Variants in NCKAP5 observed in about 807,000 individuals in gnomAD.
NCKAP5 encodes nck-associated protein 5.
In NCKAP5, 92 loss-of-function variants were observed where a neutral mutation model predicts 167.0. The observed-to-expected ratio is 0.55, with a 90% CI of 0.47 to 0.66. The LOEUF (loss-of-function observed/expected upper bound fraction) is 0.66. NCKAP5 is among the 30% of genes least tolerant of loss of function. NCKAP5 has a pLI of 0.00. For synonymous variants in NCKAP5, 891 were observed against 877.4 expected, an observed-to-expected ratio of 1.02 and a Z score of -0.27; for missense variants, 2,378 against 2,315.0, an observed-to-expected ratio of 1.03 and a Z score of -0.56.
Position 132,728,917 on chromosome 2 carries a change from G to T in NCKAP5, c.5479C>A (p.Pro1827Thr). 1 of 1,613,940 alleles carries T rather than the reference G, an allele frequency of 6.2e-7. No homozygotes were observed. The highest frequency in any genetic ancestry group is 1.1e-5 in the South Asian group (1 of 91,076). ...VSSQKQNEAE[P>T]RPQTCSSFGY... ...AATGATGAGCATGTCTGAGGCCTTG[G>T]CTCTGCTTCATTCTGCTTTTGGGAA... The change falls in exon 18 of 20, where the codon CCA becomes ACA. Residue 1827 changes from proline to threonine, a missense_variant. Physicochemically the swap from Pro to Thr is conservative, Grantham distance 38. This residue lies in a region of NCKAP5 where 1,325 missense variants were observed against 1,274.5 expected (regional missense o/e 1.04). Transcript: ENST00000409261.
At chr2:132,736,782 T>TCAAAA (rs1443223019) in intron 16 of NCKAP5, among the ~76,000 whole-genome samples, 1 of 152,050 alleles carries the variant, frequency 6.6e-6, no homozygotes, top group Non-Finnish European at 1.5e-5. Flanking sequence ...AGACTCCGTC[T>TCAAAA]CAAAACAAAA....
chr2:133,030,203 C>T (rs905521750), intron 6 of NCKAP5, among the ~76,000 whole-genome samples: 6 of 152,140 alleles, frequency 3.9e-5, no homozygotes, highest in Non-Finnish European at 7.4e-5. Flanking sequence ...AGAAAATTAA[C>T]TGTGAGATGG....
chr2:133,321,063 A>C (rs1035560304), intron 3 of NCKAP5, among the ~76,000 whole-genome samples: 1 of 152,316 alleles, frequency 6.6e-6, no homozygotes, highest in South Asian at 2.1e-4. Context: ...CCACTAAAGA[A>C]GTGGAGGCTC....
At chr2:132,915,814 G>C (rs765936891) in intron 8 of NCKAP5, among the ~76,000 whole-genome samples, 1 of 151,996 alleles carries the variant, frequency 6.6e-6, no homozygotes, top group African/African-American at 2.4e-5. Context: ...ATGGAAAAGA[G>C]CCAGCCACAC....
chr2:132,960,873 T>C (rs2076490796), intron 8 of NCKAP5, among the ~76,000 whole-genome samples: 1 of 152,182 alleles, frequency 6.6e-6, no homozygotes, highest in Non-Finnish European at 1.5e-5. Context: ...AAATCATTCC[T>C]TTCTGTGATC....
At chr2:133,535,649 G>A (rs542976514) in intron 2 of NCKAP5, among the ~76,000 whole-genome samples, 26 of 152,164 alleles carry the variant, frequency 1.7e-4, no homozygotes, top group Admixed American at 1.4e-3. Flanking sequence ...CCTTTGAGCA[G>A]ATACCCAGTA....
chr2:133,071,432 G>A (rs1010260003), intron 6 of NCKAP5, among the ~76,000 whole-genome samples: 3 of 152,124 alleles, frequency 2.0e-5, no homozygotes, highest in Admixed American at 6.6e-5. Flanking sequence ...GCGACAGAGC[G>A]AGACTCCGTC....
the NCKAP5 span, among the ~76,000 whole-genome samples, chr2:133,643,286 A>T: frequency 6.6e-6 from 1 of 152,220 alleles, no homozygotes; most frequent in Non-Finnish European, 1.5e-5. Context: ...TCCTTACTCT[A>T]AACTCAGTAG....
chr2:133,146,796 C>CT (rs1323268646), intron 5 of NCKAP5, among the ~76,000 whole-genome samples: 2 of 152,088 alleles, frequency 1.3e-5, no homozygotes, highest in Non-Finnish European at 2.9e-5. Flanking sequence ...AAAACAAACA[C>CT]TTCCAAATAC....
intron 6 of NCKAP5, among the ~76,000 whole-genome samples, chr2:133,115,645 C>A (rs2082047937): frequency 6.6e-6 from 1 of 151,446 alleles, no homozygotes; most frequent in South Asian, 2.1e-4. Flanking sequence ...TTAAAGTTAA[C>A]AACTTCTTAA....
chr2:133,170,235 C>T (rs778487882), intron 5 of NCKAP5, among the ~76,000 whole-genome samples: 47 of 152,120 alleles, frequency 3.1e-4, no homozygotes, highest in Non-Finnish European at 5.1e-4. Context: ...CGGCTGGGAA[C>T]GTGGGTGAGG....
At chr2:133,128,482 AACTAT>A in intron 6 of NCKAP5, among the ~76,000 whole-genome samples, 1 of 152,332 alleles carries the variant, frequency 6.6e-6, no homozygotes, top group East Asian at 1.9e-4. Flanking sequence ...CCCTCATATT[AACTAT>A]AATTGGAAAC....
At chr2:132,882,526 G>C (rs1691845126) in intron 8 of NCKAP5, among the ~76,000 whole-genome samples, 1 of 152,108 alleles carries the variant, frequency 6.6e-6, no homozygotes. Context: ...ACCCAAACCA[G>C]TGCTAGGAAA....
chr2:132,706,393 G>C (rs1240838363), intron 19 of NCKAP5, among the ~76,000 whole-genome samples: 1 of 152,224 alleles, frequency 6.6e-6, no homozygotes, highest in East Asian at 1.9e-4. Flanking sequence ...TTTAGGTTTA[G>C]TACTGGCTAA....
At chr2:133,254,176 G>T (rs747121817) in intron 4 of NCKAP5, among the ~76,000 whole-genome samples, 1 of 152,186 alleles carries the variant, frequency 6.6e-6, no homozygotes, top group Non-Finnish European at 1.5e-5. Context: ...GGCATGCTGT[G>T]ATCTATAGAA....
intron 6 of NCKAP5, among the ~76,000 whole-genome samples, chr2:133,061,781 A>G (rs909394444): frequency 6.6e-6 from 1 of 152,174 alleles, no homozygotes; most frequent in Non-Finnish European, 1.5e-5. Context: ...GCTTTCTTGG[A>G]GAACTGAGCC....
At chr2:132,971,613 G>A (rs1037864974) in intron 7 of NCKAP5, among the ~76,000 whole-genome samples, 4 of 152,210 alleles carry the variant, frequency 2.6e-5, no homozygotes, top group African/African-American at 9.6e-5. Flanking sequence ...AATAGGCTAT[G>A]CGGGAGTTGA....
At chr2:133,614,875 T>A in the NCKAP5 span, among the ~76,000 whole-genome samples, 26 of 152,036 alleles carry the variant, frequency 1.7e-4, no homozygotes, top group African/African-American at 3.9e-4. Context: ...AAATGAAGGA[T>A]AAAATGTTAA....
intron 5 of NCKAP5, among the ~76,000 whole-genome samples, chr2:133,169,463 A>G (rs186662767): frequency 2.0e-5 from 3 of 152,300 alleles, no homozygotes; most frequent in East Asian, 1.9e-4. Context: ...GGTTTGTCAT[A>G]TATCTTCTCC....
Sources: gnomAD v4.1 joint callset for allele counts (sites outside exome capture counted in the v4.1 genomes callset) on GRCh38, gnomAD v4.1.1 for gene constraint, gnomAD v4.1.1 regional missense constraint, MANE v1.5 for transcripts, NCBI Gene and HGNC (gene_info 2026-07-23, HGNC 2026-07-21) for gene names.